Variants in CUX2 observed in about 807,000 individuals in gnomAD.
CUX2 encodes homeobox protein cut-like 2.
In CUX2, 40 loss-of-function variants were observed where a neutral mutation model predicts 144.8. The ratio of observed to expected loss-of-function variants is 0.28; its 90% CI spans 0.21 to 0.36. The LOEUF (loss-of-function observed/expected upper bound fraction) is 0.36. Ranked by LOEUF, CUX2 falls within the 10% of genes least tolerant of loss-of-function variation. The pLI is 1.00. For synonymous variants in CUX2, 827 were observed against 875.6 expected (o/e 0.94, Z 0.98); for missense variants, 1,615 against 1,994.0 (o/e 0.81, Z 3.62).
intron 1 of CUX2, among the ~76,000 whole-genome samples, chr12:111,046,948 C>A (rs1041247933): frequency 6.6e-6 from 1 of 152,252 alleles, no homozygotes; most frequent in African/African-American, 2.4e-5. Flanking sequence ...TGAGCCACCA[C>A]GCCCGGCCCC....
intron 8 of CUX2, among the ~76,000 whole-genome samples, chr12:111,297,394 G>A (rs78641511): frequency 0.018 from 2,680 of 152,246 alleles, 83 homozygotes; most frequent in African/African-American, 0.06. Context: ...GGAGGCCCCC[G>A]TTTCATTAAG....
chr12:111,312,021 C>G lies in CUX2; in HGVS notation c.1901-79C>G. The G allele has an allele frequency of 8.0e-7, 1 of 1,254,330 alleles. No individual in the cohort carries two copies. Among genetic ancestry groups the G allele is most frequent in the Non-Finnish European group, 1.1e-6 (1 of 890,432 alleles). 77.7% of individuals were successfully genotyped at this position (1,254,330 alleles called of 1,614,324 possible). A position where few individuals can be genotyped will look rare whatever the true frequency, so the allele number is the denominator to read the frequency against. ...CCCTCACTCTTCTGGGAGGAGGAGA[C>G]AGCCCCCCTACCCCACCAGGCTCCG... On this transcript the variant is annotated intron_variant, in intron 15 of 21. Transcript: ENST00000261726. The surrounding 1 kb of genome is among the most constrained non-coding windows in gnomAD (Gnocchi z 4.3).
At chr12:111,163,043 C>A (rs1308909552) in intron 1 of CUX2, among the ~76,000 whole-genome samples, 2 of 136,476 alleles carry the variant, frequency 1.5e-5, no homozygotes, top group African/African-American at 5.6e-5. Flanking sequence ...AAGACTCTGT[C>A]TCAAAAAAAA....
chr12:111,230,617 G>A (rs959653995), intron 3 of CUX2, among the ~76,000 whole-genome samples: 1 of 152,194 alleles, frequency 6.6e-6, no homozygotes, highest in Non-Finnish European at 1.5e-5. Flanking sequence ...GCTCACAGTG[G>A]CTGGTGTTCT....
intron 5 of CUX2, among the ~76,000 whole-genome samples, chr12:111,291,862 C>T (rs2136332011): frequency 6.6e-6 from 1 of 152,240 alleles, no homozygotes; most frequent in Non-Finnish European, 1.5e-5. Flanking sequence ...GGTTCCCACC[C>T]TCCATGGCCA....
chr12:111,299,480 C>CA (rs1401657676), intron 9 of CUX2, among the ~76,000 whole-genome samples: 1 of 152,114 alleles, frequency 6.6e-6, no homozygotes, highest in Non-Finnish European at 1.5e-5. Context: ...CCTGGGAAGC[C>CA]ACCAGAAGGT....
chr12:111,048,448 G>A (rs942329284), intron 1 of CUX2, among the ~76,000 whole-genome samples: 2 of 152,236 alleles, frequency 1.3e-5, no homozygotes, highest in African/African-American at 4.8e-5. Context: ...AGCAAGGTGG[G>A]AGCTGTGCTT....
At chr12:111,044,451 G>A (rs1389235167) in intron 1 of CUX2, among the ~76,000 whole-genome samples, 2 of 151,972 alleles carry the variant, frequency 1.3e-5, no homozygotes, top group South Asian at 4.2e-4. Flanking sequence ...AGCCAAGCAG[G>A]TCCCAGCTTC....
chr12:111,332,684 G>A (rs1888174253), intron 18 of CUX2, among the ~76,000 whole-genome samples: 1 of 152,150 alleles, frequency 6.6e-6, no homozygotes, highest in Admixed American at 6.5e-5. Context: ...TCCCTGCACT[G>A]TACCCAGTTT....
rs901190554 is a variant in CUX2, at chr12:111,322,737, C to T, written c.2926+157C>T. Among the ~76,000 whole-genome samples, 6 of 152,152 alleles carry T rather than the reference C, an allele frequency of 3.9e-5. No homozygotes were observed. Among genetic ancestry groups the T allele is most frequent in the Non-Finnish European group, 2.9e-5 (2 of 68,026 alleles). Reference sequence around the variant, plus strand: ...CTGTCATGGCTGCACTGGAACATGGCGGGGGGTCCTGGGGTTTCTCTGCTC... The same window carrying T: ...CTGTCATGGCTGCACTGGAACATGGTGGGGGGTCCTGGGGTTTCTCTGCTC... On this transcript the variant is annotated intron_variant, in intron 18 of 21. Transcript: ENST00000261726. This position sits in a 1 kb window ranked among gnomAD's most constrained non-coding sequence, Gnocchi z 4.2.
chr12:111,085,550 T>A (rs1003391990), intron 1 of CUX2, among the ~76,000 whole-genome samples: 2 of 152,140 alleles, frequency 1.3e-5, no homozygotes, highest in Non-Finnish European at 2.9e-5. Context: ...ATACTTTTGG[T>A]CTCTGAAATC....
intron 1 of CUX2, among the ~76,000 whole-genome samples, chr12:111,072,144 A>G (rs1169242816): frequency 6.6e-6 from 1 of 152,162 alleles, no homozygotes; most frequent in East Asian, 1.9e-4. Flanking sequence ...GTCACTACCC[A>G]CAAAAATAGC....
At chr12:111,105,650 C>T (rs1210849033) in intron 1 of CUX2, among the ~76,000 whole-genome samples, 2 of 152,178 alleles carry the variant, frequency 1.3e-5, no homozygotes, top group African/African-American at 2.4e-5. Context: ...ACTTTGGAGC[C>T]ACACAGACCT....
At chr12:111,157,255 A>G (rs1203524039) in intron 1 of CUX2, among the ~76,000 whole-genome samples, 1 of 148,400 alleles carries the variant, frequency 6.7e-6, no homozygotes, top group African/African-American at 2.5e-5. Context: ...TGCATTCTAG[A>G]TCAGCAAAAG....
intron 3 of CUX2, among the ~76,000 whole-genome samples, chr12:111,248,693 T>C (rs1190124816): frequency 6.6e-6 from 1 of 151,938 alleles, no homozygotes; most frequent in Non-Finnish European, 1.5e-5. Flanking sequence ...CTGGACGGGC[T>C]CACACCCATA....
intron 1 of CUX2, among the ~76,000 whole-genome samples, chr12:111,080,043 A>G (rs1362702293): frequency 6.6e-6 from 1 of 152,138 alleles, no homozygotes; most frequent in Non-Finnish European, 1.5e-5. Context: ...CTGGGCCTCA[A>G]TTTCTCATCT....
At chr12:111,335,767 T>C (rs1888324205) in intron 19 of CUX2, among the ~76,000 whole-genome samples, 1 of 151,986 alleles carries the variant, frequency 6.6e-6, no homozygotes, top group Non-Finnish European at 1.5e-5. Flanking sequence ...GCAAACAAAC[T>C]TCACACATTG....
chr12:111,155,791 G>A (rs1398619612), intron 1 of CUX2, among the ~76,000 whole-genome samples: 4 of 152,096 alleles, frequency 2.6e-5, no homozygotes, highest in African/African-American at 4.8e-5. Flanking sequence ...TGGTTCTACC[G>A]AATTAGCGTT....
intron 1 of CUX2, among the ~76,000 whole-genome samples, chr12:111,130,902 A>T (rs1847895195): frequency 6.6e-6 from 1 of 152,242 alleles, no homozygotes; most frequent in South Asian, 2.1e-4. Flanking sequence ...GCCTATATCC[A>T]TAAATTTAGC....
Sources: allele counts gnomAD v4.1 joint callset (sites outside exome capture counted in the v4.1 genomes callset), GRCh38; gene constraint gnomAD v4.1.1; non-coding constraint Gnocchi (gnomAD v3.1); transcripts MANE v1.5; gene names NCBI Gene and HGNC (gene_info 2026-07-23, HGNC 2026-07-21).